Variants in SLC22A3 observed in about 807,000 individuals in gnomAD.
SLC22A3 encodes solute carrier family 22 member 3, also known as EMT organic cation transporter 3.
Under a neutral mutation model 59.1 loss-of-function variants are expected in SLC22A3, and 51 were observed. The ratio of observed to expected loss-of-function variants is 0.86; its 90% CI spans 0.69 to 1.09. The LOEUF (loss-of-function observed/expected upper bound fraction) is 1.09. SLC22A3 is among the 50% of genes least tolerant of loss of function. SLC22A3 has a pLI of 0.00. For missense variants in SLC22A3, 711 were observed against 726.3 expected, an observed-to-expected ratio of 0.98 and a Z score of 0.24; for synonymous variants, 325 against 292.0, an observed-to-expected ratio of 1.11 and a Z score of -1.15.
chr6:160,442,000 GAA>G (rs1788559890), intron 7 of SLC22A3, among the ~76,000 whole-genome samples: 2 of 152,144 alleles, frequency 1.3e-5, no homozygotes, highest in African/African-American at 4.8e-5. Flanking sequence ...ATAAAAGAAA[GAA>G]AATATTTAAT....
intron 5 of SLC22A3, among the ~76,000 whole-genome samples, chr6:160,431,438 C>T (rs1788147788): frequency 6.6e-6 from 1 of 152,156 alleles, no homozygotes; most frequent in Admixed American, 6.5e-5. Context: ...AATCAAAGAC[C>T]AGCTGGATTT....
intron 9 of SLC22A3, among the ~76,000 whole-genome samples, chr6:160,446,708 G>C (rs576577820): frequency 6.6e-6 from 1 of 152,180 alleles, no homozygotes; most frequent in Non-Finnish European, 1.5e-5. Context: ...CAAGAATTTT[G>C]TAAGCCAGTC....
rs189012777 is a variant in SLC22A3, at chr6:160,378,077, C to A, written c.430-19902C>A. ...TCAGAAAATATCAGAACAAGAAAGCCCCAGCCTTCAAGATTGTTTGATTTG... is the reference window on the plus strand; with the variant it reads ...TCAGAAAATATCAGAACAAGAAAGCACCAGCCTTCAAGATTGTTTGATTTG... On this transcript the variant is annotated intron_variant, in intron 1 of 10. Transcript: ENST00000275300. Among the ~76,000 whole-genome samples the A allele has an allele frequency of 6.6e-5, 10 of 152,168 alleles. No individual in the cohort carries two copies. The East Asian group carries it at 1.9e-3, about 29-fold the overall frequency.
intron 2 of SLC22A3, among the ~76,000 whole-genome samples, chr6:160,401,243 A>G (rs1364868232): frequency 2.0e-5 from 3 of 152,078 alleles, no homozygotes; most frequent in African/African-American, 7.2e-5. Flanking sequence ...AAAAAAGTAT[A>G]CCTAGTTATA....
chr6:160,449,809 G>A (rs1303100873), intron 10 of SLC22A3, among the ~76,000 whole-genome samples: 1 of 152,182 alleles, frequency 6.6e-6, no homozygotes. Context: ...CGCTGGGGGT[G>A]ACATCACATA....
Position 160,408,835 on chromosome 6 carries a change from C to A in SLC22A3, c.771C>A (p.Leu257=), listed in dbSNP as rs200267923. Reference sequence around the variant, plus strand: ...TCTTTACCCTTGGAATCATAATTCTCCCTGGAATTGCCTACTTCATCCCCA... The same window carrying A: ...TCTTTACCCTTGGAATCATAATTCTACCTGGAATTGCCTACTTCATCCCCA... ...QMFFTLGIII[L]PGIAYFIPNW... Residue 257 remains leucine (L), a synonymous_variant, in exon 4 of 11, where the codon CTC becomes CTA. Transcript: ENST00000275300. The A allele has an allele frequency of 5.6e-6, 9 of 1,613,504 alleles. No individual in the cohort carries two copies. Among genetic ancestry groups the A allele is most frequent in the African/African-American group, 5.3e-5 (4 of 74,828 alleles).
intron 5 of SLC22A3, among the ~76,000 whole-genome samples, chr6:160,431,285 G>A (rs1056039609): frequency 6.6e-6 from 1 of 152,172 alleles, no homozygotes; most frequent in African/African-American, 2.4e-5. Flanking sequence ...GAATAATAGT[G>A]GCGGCCGCCA....
chr6:160,446,478 C>T (rs756964454), intron 9 of SLC22A3, among the ~76,000 whole-genome samples: 56 of 152,182 alleles, frequency 3.7e-4, no homozygotes, highest in Non-Finnish European at 6.3e-4. Flanking sequence ...GAAGCAGGCA[C>T]GTCCTACATG....
intron 1 of SLC22A3, among the ~76,000 whole-genome samples, chr6:160,368,233 G>A (rs895006364): frequency 6.6e-6 from 1 of 151,954 alleles, no homozygotes; most frequent in Non-Finnish European, 1.5e-5. Context: ...ACGCTTCTTC[G>A]ATGTCCTGCA....
chr6:160,348,627 G>T lies in SLC22A3; in HGVS notation c.208G>T (p.Glu70Ter). 1 of 1,506,684 alleles carries T rather than the reference G, an allele frequency of 6.6e-7. No individual in the cohort carries two copies. Among genetic ancestry groups the T allele is most frequent in the Non-Finnish European group, 8.8e-7 (1 of 1,135,522 alleles). 93.3% of individuals were successfully genotyped at this position (1,506,684 alleles called of 1,614,324 possible). Residue 70 changes from glutamate to a stop codon, truncating the protein, a stop_gained, in exon 1 of 11, where the codon GAG becomes TAG. Transcript: ENST00000275300. LOFTEE classifies it high-confidence loss of function. ...AERCGWSPEE[E>*]WNRTAPASRG... ...GCGCTGCGGCTGGAGCCCGGAGGAG[G>T]AGTGGAACCGCACGGCGCCCGCCTC...
chr6:160,420,046 C>A (rs1262534666), intron 5 of SLC22A3, among the ~76,000 whole-genome samples: 2 of 152,092 alleles, frequency 1.3e-5, no homozygotes, highest in African/African-American at 4.8e-5. Flanking sequence ...GTAAACAGTT[C>A]CATCCACAGC....
chr6:160,429,086 G>A (rs1416202950), intron 5 of SLC22A3, among the ~76,000 whole-genome samples: 3 of 152,170 alleles, frequency 2.0e-5, no homozygotes, highest in Non-Finnish European at 4.4e-5. Flanking sequence ...AGCCCCACCA[G>A]GCCCTCTGGT....
chr6:160,379,140 C>T (rs910704947), intron 1 of SLC22A3, among the ~76,000 whole-genome samples: 79 of 152,298 alleles, frequency 5.2e-4, no homozygotes, highest in African/African-American at 1.9e-3. Flanking sequence ...CAGCATCATG[C>T]CCTCACATCA....
Position 160,398,325 on chromosome 6 carries a change from T to C in SLC22A3, c.533+243T>C, listed in dbSNP as rs146735744. ...GCTGTTCCCGGTAGGACTGAGAGCA[T>C]CAGAATGAAAACACAGACCTCCAAA... On this transcript the variant is annotated intron_variant, in intron 2 of 10. Coordinates refer to ENST00000275300, the MANE Select transcript of SLC22A3 (RefSeq NM_021977.4). Among the ~76,000 whole-genome samples, 42 of 152,314 alleles carry C rather than the reference T, an allele frequency of 2.8e-4. 1 individual carries two copies. The East Asian group carries it at 7.7e-3, about 28-fold the overall frequency.
chr6:160,432,239 C>A (rs559012952), intron 5 of SLC22A3, among the ~76,000 whole-genome samples: 1 of 152,292 alleles, frequency 6.6e-6, no homozygotes, highest in Admixed American at 6.5e-5. Context: ...TTTCCCTAAA[C>A]TAATCAGGCC....
At chr6:160,382,112 A>T (rs1317227466) in intron 1 of SLC22A3, among the ~76,000 whole-genome samples, 1 of 152,252 alleles carries the variant, frequency 6.6e-6, no homozygotes, top group African/African-American at 2.4e-5. Context: ...AATTTCATCC[A>T]GTATGACTTG....
At chr6:160,413,872 C>A (rs1056880754) in intron 5 of SLC22A3, among the ~76,000 whole-genome samples, 1 of 152,212 alleles carries the variant, frequency 6.6e-6, no homozygotes, top group Admixed American at 6.5e-5. Flanking sequence ...GTGCATTAGA[C>A]TCCTCCTGAA....
At chr6:160,369,177 C>T (rs1785309374) in intron 1 of SLC22A3, among the ~76,000 whole-genome samples, 1 of 152,114 alleles carries the variant, frequency 6.6e-6, no homozygotes, top group African/African-American at 2.4e-5. Flanking sequence ...TTTATTTTTT[C>T]AGTAATGCTC....
intron 1 of SLC22A3, among the ~76,000 whole-genome samples, chr6:160,363,547 G>A (rs1264714003): frequency 1.3e-5 from 2 of 152,142 alleles, no homozygotes; most frequent in African/African-American, 4.8e-5. Context: ...AACGCTGGAT[G>A]GGGCTGGGTT....
Sources: allele counts gnomAD v4.1 joint callset (sites outside exome capture counted in the v4.1 genomes callset), GRCh38; gene constraint gnomAD v4.1.1; transcripts MANE v1.5; gene names NCBI Gene and HGNC (gene_info 2026-07-23, HGNC 2026-07-21).